FLACC1: variants seen among roughly 807,000 people sequenced by gnomAD.
FLACC1 encodes flagellum-associated coiled-coil domain-containing protein 1.
Under a neutral mutation model 62.8 loss-of-function variants are expected in FLACC1, and 66 were observed. The observed-to-expected ratio is 1.05, with a 90% confidence interval of 0.86 to 1.29. The LOEUF is 1.29. FLACC1 is among the 50% of genes most tolerant of loss of function. FLACC1 has a pLI of 0.00. For synonymous variants in FLACC1, 156 were observed against 161.0 expected (o/e 0.97, Z 0.24); for missense variants, 452 against 489.1 (o/e 0.92, Z 0.71).
At chr2:201,309,035 G>T in intron 10 of FLACC1, 116 bp downstream of exon 10, 1 of 799,726 alleles carries the variant, frequency 1.3e-6, no homozygotes, top group Admixed American at 2.0e-5. Flanking sequence ...CAGGTATCTA[G>T]CATGTGGCCC....
Position 201,348,187 on chromosome 2 carries a change from C to T in FLACC1, c.234+67G>A. On this transcript the variant is annotated intron_variant, in intron 4 of 14. Coordinates refer to ENST00000392257, the MANE Select transcript of FLACC1 (RefSeq NM_001127391.3). ...AAGGTAAGTATAAAAATGTAAAGGG[C>T]CCATGCTTGCACATAGTAGGCACTC... 4.1e-6 allele frequency: 6 copies of T among 1,473,286 alleles called. No homozygotes were observed. In the East Asian group the frequency reaches 7.0e-5, roughly 17 times the overall value. The allele number at this position is 1,473,286 out of a possible 1,614,324, so 91.3% of individuals were successfully genotyped here.
At chr2:201,319,731 A>C (rs941939389) in intron 9 of FLACC1, among the ~76,000 whole-genome samples, 34 of 152,198 alleles carry the variant, frequency 2.2e-4, no homozygotes, top group Admixed American at 2.2e-3. Flanking sequence ...AGAAGACAGA[A>C]GTTTGTTTGT....
At chr2:201,336,023 TA>T (rs1311325545) in intron 7 of FLACC1, among the ~76,000 whole-genome samples, 9 of 152,196 alleles carry the variant, frequency 5.9e-5, no homozygotes, top group Admixed American at 5.9e-4. Context: ...ATTTTAGGTT[TA>T]GGGGTACATG....
intron 8 of FLACC1, 52 bp from the exon 9 acceptor site, chr2:201,330,574 T>A (rs1442282189): frequency 6.3e-7 from 1 of 1,593,366 alleles, no homozygotes; most frequent in East Asian, 2.2e-5. Flanking sequence ...ATATGCACAT[T>A]TTCAAATTCA....
intron 12 of FLACC1, among the ~76,000 whole-genome samples, chr2:201,290,701 G>A (rs1396502681): frequency 6.6e-6 from 1 of 152,152 alleles, no homozygotes; most frequent in African/African-American, 2.4e-5. Context: ...TGGGTGCAGT[G>A]CACTGAGCAT....
At chr2:201,289,307 G>A in intron 14 of FLACC1, 150 bp downstream of exon 14, 1 of 659,818 alleles carries the variant, frequency 1.5e-6, no homozygotes, top group Non-Finnish European at 2.6e-6. Flanking sequence ...TTGTGTCACT[G>A]GCCTAGAGTG....
Position 201,289,518 on chromosome 2 carries a change from C to T in FLACC1, c.1081G>A (p.Glu361Lys), listed in dbSNP as rs750680809. 87 of 1,614,070 alleles carry T rather than the reference C, an allele frequency of 5.4e-5. No individual in the cohort carries two copies. The highest frequency in any genetic ancestry group is 7.3e-5 in the Non-Finnish European group (86 of 1,180,054). Residue 361 changes from glutamate (E) to lysine (K), a missense_variant, in exon 14 of 15, where the codon GAA becomes AAA. Glu to Lys is a moderately conservative substitution (Grantham distance 56). This residue lies in a region of FLACC1 where 301 missense variants were observed against 318.4 expected (regional missense o/e 0.95). Coordinates refer to ENST00000392257, the MANE Select transcript of FLACC1 (RefSeq NM_001127391.3). ...GTGTGCTTATACTTTTCTTCAGTTTCAGCAAACTTGGTTTGAAGCATTTTC... is the reference window on the plus strand; with the variant it reads ...GTGTGCTTATACTTTTCTTCAGTTTTAGCAAACTTGGTTTGAAGCATTTTC... ...LEKMLQTKFA[E>K]TEEKYKHTIQ...
chr2:201,323,024 C>G (rs542666933), intron 9 of FLACC1, among the ~76,000 whole-genome samples: 26 of 151,982 alleles, frequency 1.7e-4, no homozygotes, highest in Non-Finnish European at 3.2e-4. Context: ...TTTAAACTAA[C>G]CCAATCAGAC....
chr2:201,292,668 C>T (rs1016397327), intron 12 of FLACC1, among the ~76,000 whole-genome samples: 5 of 152,174 alleles, frequency 3.3e-5, no homozygotes, highest in African/African-American at 1.2e-4. Context: ...CAAATTCACA[C>T]ATAACAATAT....
intron 9 of FLACC1, among the ~76,000 whole-genome samples, chr2:201,311,449 C>T (rs936443663): frequency 6.6e-5 from 10 of 152,028 alleles, no homozygotes; most frequent in Non-Finnish European, 1.0e-4. Flanking sequence ...TGGCCAGGCA[C>T]GGTGGCTCAT....
chr2:201,344,194 TC>T lies in FLACC1; in HGVS notation c.437del (p.Arg146LysfsTer21), dbSNP rs768130695. ...CCAATTTCTGGGCAGACTGGTGGTC[TC>T]TGTTCATTTGTTCAATTATTGCTGT... ...ELTAIIEQMNRDHQSAQKLLS... is the reference protein window; with the variant it reads ...ELTAIIEQMNXDHQSAQKLLS... On this transcript the variant is annotated frameshift_variant, in exon 6 of 15. Transcript: ENST00000392257. LOFTEE classifies it high-confidence loss of function. 6.2e-7 allele frequency: 1 copy of T among 1,613,570 alleles called. No homozygotes were observed. Among genetic ancestry groups the T allele is most frequent in the South Asian group, 1.1e-5 (1 of 91,010 alleles).
At chr2:201,335,110 G>A (rs953152937) in intron 7 of FLACC1, among the ~76,000 whole-genome samples, 1 of 151,922 alleles carries the variant, frequency 6.6e-6, no homozygotes, top group Non-Finnish European at 1.5e-5. Context: ...ACGATCCTTT[G>A]TATTTGTCAT....
chr2:201,309,263 A>C lies in FLACC1; in HGVS notation c.676-13T>G, dbSNP rs1279504051. The C allele has an allele frequency of 6.3e-7, 1 of 1,594,642 alleles. No individual in the cohort carries two copies. The highest frequency in any genetic ancestry group is 8.6e-7 in the Non-Finnish European group (1 of 1,162,788). The stretch of plus-strand genomic sequence containing the variant: ...CATAAATACTGTCCTGGGGAGGTAC[A>C]AAGGCACCATGAAGAAAAGAGTCCT... On this transcript the variant is annotated splice_polypyrimidine_tract_variant and intron_variant, in intron 9 of 14. Coordinates refer to ENST00000392257, the MANE Select transcript of FLACC1 (RefSeq NM_001127391.3).
chr2:201,311,815 TAGAA>T (rs1455549561), intron 9 of FLACC1, among the ~76,000 whole-genome samples: 1 of 151,940 alleles, frequency 6.6e-6, no homozygotes, highest in Non-Finnish European at 1.5e-5. Context: ...TAAACAGAAT[TAGAA>T]AGAAAACCCA....
At chr2:201,316,785 C>T (rs1330580166) in intron 9 of FLACC1, among the ~76,000 whole-genome samples, 1 of 152,078 alleles carries the variant, frequency 6.6e-6, no homozygotes, top group Non-Finnish European at 1.5e-5. Context: ...CCTTGATGAA[C>T]ATAGATGCAA....
intron 12 of FLACC1, among the ~76,000 whole-genome samples, chr2:201,293,084 C>T (rs1391726996): frequency 2.6e-5 from 4 of 152,138 alleles, no homozygotes; most frequent in East Asian, 3.8e-4. Context: ...GAGACTTTAA[C>T]ACCCCACTGT....
chr2:201,328,580 C>T (rs1049364264), intron 9 of FLACC1, among the ~76,000 whole-genome samples: 40 of 152,106 alleles, frequency 2.6e-4, no homozygotes, highest in Non-Finnish European at 1.3e-4. Context: ...TGTGTGCCAC[C>T]ATGTCCGACT....
intron 12 of FLACC1, among the ~76,000 whole-genome samples, chr2:201,291,356 T>A (rs911995914): frequency 6.6e-6 from 1 of 152,198 alleles, no homozygotes. Flanking sequence ...GACAGCAACA[T>A]TTGCTGTTCA....
intron 9 of FLACC1, among the ~76,000 whole-genome samples, chr2:201,312,004 C>A (rs1950225755): frequency 6.6e-6 from 1 of 152,142 alleles, no homozygotes; most frequent in Admixed American, 6.5e-5. Context: ...GAAGCATTAC[C>A]CTTGAGAACT....
Sources: allele counts gnomAD v4.1 joint callset (sites outside exome capture counted in the v4.1 genomes callset), GRCh38; gene constraint gnomAD v4.1.1; regional missense constraint gnomAD v4.1.1; transcripts MANE v1.5; gene names NCBI Gene and HGNC (gene_info 2026-07-23, HGNC 2026-07-21).